BCL6: variants seen among roughly 807,000 people sequenced by gnomAD.
The protein encoded by BCL6 is BCL6 transcription repressor.
BCL6 carries 7 observed loss-of-function variants against 59.5 expected under a neutral mutation model. That is an observed-to-expected ratio of 0.12 (90% CI 0.07 to 0.22). The LOEUF (loss-of-function observed/expected upper bound fraction) is 0.22. Ranked by LOEUF, BCL6 falls within the 10% of genes least tolerant of loss-of-function variation. BCL6 has a pLI of 1.00. For synonymous variants in BCL6, 339 were observed against 349.7 expected (o/e 0.97, Z 0.34); for missense variants, 685 against 939.4 (o/e 0.73, Z 3.54).
intron 1 of BCL6, among the ~76,000 whole-genome samples, chr3:187,742,813 A>G (rs1299280395): frequency 6.6e-6 from 1 of 152,162 alleles, no homozygotes; most frequent in Non-Finnish European, 1.5e-5. Flanking sequence ...TCTTTTTTAA[A>G]AAAGTATATA....
chr3:187,722,304 G>GGGC lies in BCL6; in HGVS notation c.*153_*154insGCC. On this transcript the variant is annotated 3_prime_UTR_variant, in exon 10 of 10. Transcript: ENST00000406870. Reference sequence around the variant, plus strand: ...GCTGCTGCGGCTCCCAGTCCCCCAGGCCCCGACCCCCACCACCCCCAACCC... The same window carrying GGGC: ...GCTGCTGCGGCTCCCAGTCCCCCAGGGGCCCCCGACCCCCACCACCCCCAACCC... 9.7e-6 allele frequency: 3 copies of GGGC among 309,274 alleles called. No homozygotes were observed. Among genetic ancestry groups the GGGC allele is most frequent in the Non-Finnish European group, 1.8e-5 (3 of 169,612 alleles). 19.2% of individuals were successfully genotyped at this position (309,274 alleles called of 1,614,324 possible).
chr3:187,731,605 CA>C, intron 4 of BCL6, 103 bp downstream of exon 4: 1 of 1,104,584 alleles, frequency 9.1e-7, no homozygotes, highest in Non-Finnish European at 1.3e-6. Flanking sequence ...TGGGTTGCAG[CA>C]TATCATAGAG....
In BCL6 at chr3:187,731,950, C is replaced by T; in HGVS notation, c.162-20G>A. On this transcript the variant is annotated intron_variant, in intron 3 of 9. Coordinates refer to ENST00000406870, the MANE Select transcript of BCL6 (RefSeq NM_001706.5). ...AGGCCACTGTAAAACAAACAAATGTCCCACTATAGTAGACATATCGAATCT... is the reference window on the plus strand; with the variant it reads ...AGGCCACTGTAAAACAAACAAATGTTCCACTATAGTAGACATATCGAATCT... 1 of 1,591,000 alleles carries T rather than the reference C, an allele frequency of 6.3e-7. No homozygotes were observed. The highest frequency in any genetic ancestry group is 8.6e-7 in the Non-Finnish European group (1 of 1,159,644).
rs771394894 is a variant in BCL6, at chr3:187,728,451, T to A, written c.1449A>T (p.Pro483=). The A allele has an allele frequency of 6.2e-7, 1 of 1,612,560 alleles. No homozygotes were observed. Among genetic ancestry groups the A allele is most frequent in the Admixed American group, 1.7e-5 (1 of 59,832 alleles). Residue 483 remains proline (P), a synonymous_variant, in exon 6 of 10, where the codon CCA becomes CCT. Transcript: ENST00000406870. ...PKCTSCGSQS[P]QHAEMCLHTA... ...TGTGGAGGCACATCTCTGCATGCTGTGGGGACTGAGAGCCGCAGGACGTGC... is the reference window on the plus strand; with the variant it reads ...TGTGGAGGCACATCTCTGCATGCTGAGGGGACTGAGAGCCGCAGGACGTGC...
At chr3:187,734,831 G>T (rs1310103513) in intron 2 of BCL6, 38 bp downstream of exon 2, 2 of 152,612 alleles carry the variant, frequency 1.3e-5, no homozygotes, top group Non-Finnish European at 2.9e-5. Flanking sequence ...GAAACAGTTT[G>T]TCCCAACATT....
chr3:187,724,864 C>G, intron 9 of BCL6, 77 bp downstream of exon 9: 2 of 1,588,636 alleles, frequency 1.3e-6, no homozygotes, highest in East Asian at 4.5e-5. Context: ...TGCTCCACCT[C>G]CTTCCCTGCG....
Position 187,725,616 on chromosome 3 carries a change from A to G in BCL6, c.1722T>C (p.Tyr574=). ...ACTGGGCCCCACAGATGTTGCAACG[A>G]TAGGGTTTCTCACCTATTACCAAGA... is the stretch of plus-strand genomic sequence containing the variant. ...HKTVHTGEKP[Y]RCNICGAQFN... Residue 574 remains tyrosine, a synonymous_variant, in exon 8 of 10, where the codon TAT becomes TAC. Transcript: ENST00000406870. This position sits in a 1 kb window ranked among gnomAD's most constrained non-coding sequence, Gnocchi z 4.7. The G allele has an allele frequency of 6.2e-7, 1 of 1,614,180 alleles. No homozygotes were observed. The highest frequency in any genetic ancestry group is 1.1e-5 in the South Asian group (1 of 91,076).
At chr3:187,728,948 C>T (rs953462019) in intron 5 of BCL6, 102 bp downstream of exon 5, 4 of 1,431,806 alleles carry the variant, frequency 2.8e-6, no homozygotes, top group African/African-American at 2.9e-5. Flanking sequence ...ACTGATTCCA[C>T]ACCTCTAATA....
chr3:187,745,178 A>T (rs532689005), intron 1 of BCL6, among the ~76,000 whole-genome samples: 2 of 152,300 alleles, frequency 1.3e-5, no homozygotes, highest in East Asian at 3.9e-4. Flanking sequence ...ACGTGGGACT[A>T]ATCTTCGGCA....
chr3:187,744,439 G>A (rs560164916), intron 1 of BCL6, among the ~76,000 whole-genome samples: 1 of 151,854 alleles, frequency 6.6e-6, no homozygotes, highest in African/African-American at 2.4e-5. Flanking sequence ...AATTTTCAAA[G>A]TGTTCAACAT....
chr3:187,722,693 A>C (rs1718482959), intron 9 of BCL6, 92 bp from the exon 10 acceptor site: 2 of 1,519,678 alleles, frequency 1.3e-6, no homozygotes, highest in East Asian at 4.7e-5. Context: ...TCTCCCTACG[A>C]GGGACTGGGG....
intron 1 of BCL6, among the ~76,000 whole-genome samples, chr3:187,743,214 ACACT>A (rs1435777795): frequency 1.3e-5 from 2 of 151,984 alleles, no homozygotes; most frequent in Admixed American, 6.6e-5. Flanking sequence ...ACATCTACTG[ACACT>A]CACTTTACTT....
chr3:187,723,929 G>T (rs1198014886), intron 9 of BCL6, among the ~76,000 whole-genome samples: 2 of 152,162 alleles, frequency 1.3e-5, no homozygotes, highest in Admixed American at 1.3e-4. Flanking sequence ...TTAATCATTA[G>T]TTAATACTAC....
chr3:187,732,026 C>T, intron 3 of BCL6, 96 bp from the exon 4 acceptor site: 2 of 1,014,350 alleles, frequency 2.0e-6, no homozygotes, highest in Non-Finnish European at 3.0e-6. Flanking sequence ...CCTGGGCCTA[C>T]CTCCAGAACT....
chr3:187,731,659 C>T (rs41268623), intron 4 of BCL6, 50 bp downstream of exon 4: 73,957 of 1,567,342 alleles, frequency 0.047, 2,072 homozygotes, highest in Middle Eastern at 0.066. Context: ...GGTTTCTGAT[C>T]GGGGACTATC....
At chr3:187,743,630 A>T (rs1711705247) in intron 1 of BCL6, among the ~76,000 whole-genome samples, 1 of 152,276 alleles carries the variant, frequency 6.6e-6, no homozygotes, top group African/African-American at 2.4e-5. Flanking sequence ...GGGTTCCAAT[A>T]ACACGGCATC....
Position 187,722,563 on chromosome 3 carries a change from C to T in BCL6, c.2016G>A (p.Gln672=), listed in dbSNP as rs1483934882. 1 of 1,613,922 alleles carries T rather than the reference C, an allele frequency of 6.2e-7. No individual in the cohort carries two copies. The highest frequency in any genetic ancestry group is 8.5e-7 in the Non-Finnish European group (1 of 1,179,926). Residue 672 remains glutamine (Q), a synonymous_variant, in exon 10 of 10, where the codon CAG becomes CAA. Transcript: ENST00000406870. ...GCTTCTGGCGCAAGTGAAGTCGCAG[C>T]TGGCTTTTGTGACGGAAATGCAGGT... ...KCNLHFRHKS[Q]LRLHLRQKHG...
At position 187,732,546 on chromosome 3, in the gene BCL6, A is replaced by G. The variant is rs78128366; in HGVS notation, c.162-616T>C. ...TGGTGGAAAGAGTACTCAATTGTAA[A>G]GAAGAATTCTGAGCTATCATCTTGA... On this transcript the variant is annotated intron_variant, in intron 3 of 9. Coordinates refer to ENST00000406870, the MANE Select transcript of BCL6 (RefSeq NM_001706.5). 595 of 165,852 alleles carry G rather than the reference A, an allele frequency of 3.6e-3. 5 individuals are homozygous for G. Among genetic ancestry groups the G allele is most frequent in the African/African-American group, 0.013 (543 of 41,724 alleles). 10.3% of individuals were successfully genotyped at this position (165,852 alleles called of 1,614,324 possible).
At chr3:187,744,421 G>A (rs556393084) in intron 1 of BCL6, among the ~76,000 whole-genome samples, 1 of 151,044 alleles carries the variant, frequency 6.6e-6, no homozygotes, top group African/African-American at 2.4e-5. Flanking sequence ...CTACAACCAA[G>A]AAAGAATAAT....
Sources: allele counts gnomAD v4.1 joint callset (sites outside exome capture counted in the v4.1 genomes callset), GRCh38; gene constraint gnomAD v4.1.1; non-coding constraint Gnocchi (gnomAD v3.1); transcripts MANE v1.5; gene names NCBI Gene and HGNC (gene_info 2026-07-23, HGNC 2026-07-21).